The following INF2 variants were observed in gnomAD, a reference collection of about 807,000 sequenced individuals.
The protein encoded by INF2 is inverted formin-2.
INF2 carries 43 observed loss-of-function variants against 123.5 expected under a neutral mutation model. The observed-to-expected ratio is 0.35, with a 90% CI of 0.27 to 0.45. The LOEUF is 0.45. Ranked by LOEUF, INF2 falls within the 20% of genes least tolerant of loss-of-function variation. The pLI, the probability that INF2 is intolerant of heterozygous loss-of-function variation, is 1.00. For missense variants in INF2, 1,453 were observed against 1,682.7 expected, an observed-to-expected ratio of 0.86 and a Z score of 2.39; for synonymous variants, 851 against 745.0, an observed-to-expected ratio of 1.14 and a Z score of -2.32.
At chr14:104,704,817 T>C (rs997664102) in intron 5 of INF2, 2 of 152,254 alleles carry the variant, frequency 1.3e-5, no homozygotes, top group African/African-American at 2.4e-5. Context: ...AAACTAGGGT[T>C]GCCAGGTACT....
chr14:104,707,628 T>A lies in INF2; in HGVS notation c.1361T>A (p.Leu454His). 2 of 727,432 alleles carry A rather than the reference T, an allele frequency of 2.7e-6. No individual in the cohort carries two copies. Among genetic ancestry groups the A allele is most frequent in the Non-Finnish European group, 2.0e-6 (1 of 493,482 alleles). 45.1% of individuals were successfully genotyped at this position (727,432 alleles called of 1,614,324 possible). A position where few individuals can be genotyped will look rare whatever the true frequency, so the allele number is the denominator to read the frequency against. The change falls in exon 8 of 23, where the codon CTC becomes CAC. Residue 454 changes from leucine to histidine, a missense_variant. Leu to His is a moderately conservative substitution (Grantham distance 99). Around this residue, in one of 8 missense-constraint regions of INF2, gnomAD observed 374 missense variants for 303.7 expected, o/e 1.23. Transcript: ENST00000392634. The stretch of plus-strand genomic sequence containing the variant: ...CTGCCCAGTGTGGGGGCTAAGGCCC[T>A]CCCAACAGCACCCCCGCCCCCACCC... The part of the protein sequence containing the change: ...PPLPSVGAKA[L>H]PTAPPPPPLP...
At chr14:104,684,868 A>G (rs72713895), upstream of INF2, 1 of 152,170 alleles carries the variant, frequency 6.6e-6, no homozygotes, top group African/African-American at 2.4e-5. This position sits in a 1 kb window ranked among gnomAD's most constrained non-coding sequence, Gnocchi z 5.0. Flanking sequence ...GCAACCAATC[A>G]GTACACAATA....
upstream of INF2, among the ~76,000 whole-genome samples, chr14:104,686,919 C>T (rs548518721): frequency 6.6e-6 from 1 of 152,358 alleles, no homozygotes; most frequent in South Asian, 2.1e-4. Context: ...GAGGCAGAGG[C>T]AAGCTCTCCA....
In INF2 at chr14:104,718,973, C is replaced by T. The variant is rs1890446838; in HGVS notation, c.*180C>T. The T allele has an allele frequency of 6.5e-6, 9 of 1,384,770 alleles. No homozygotes were observed. Among genetic ancestry groups the T allele is most frequent in the African/African-American group, 5.9e-5 (4 of 68,180 alleles). The allele number at this position is 1,384,770 out of a possible 1,614,324, so 85.8% of individuals were successfully genotyped here. On this transcript the variant is annotated 3_prime_UTR_variant, in exon 23 of 23. Coordinates refer to ENST00000392634, the MANE Select transcript of INF2 (RefSeq NM_022489.4). ...TCTTGGGGTGTTGTGGCTGGGAACC[C>T]GACAGGCACCAGTGCCCTGCCAGGC...
chr14:104,718,447 G>A (rs1890417163), intron 22 of INF2, among the ~76,000 whole-genome samples: 1 of 152,222 alleles, frequency 6.6e-6, no homozygotes, highest in African/African-American at 2.4e-5. Context: ...AGGGCTGCAG[G>A]GGGTGGCAGT....
chr14:104,704,212 G>A lies in INF2; in HGVS notation c.701+263G>A, dbSNP rs572632220. On this transcript the variant is annotated intron_variant, in intron 5 of 22. Coordinates refer to ENST00000392634, the MANE Select transcript of INF2 (RefSeq NM_022489.4). ...AATGAGCTCATATCCTTTGCACACC[G>A]TGGATGGAGCTGGAGGCCGTGATCC... 9.8e-5 allele frequency: 137 copies of A among 1,404,254 alleles called. 1 individual carries two copies. The South Asian group carries it at 1.7e-3, about 17-fold the overall frequency. The allele number at this position is 1,404,254 out of a possible 1,614,324, so 87.0% of individuals were successfully genotyped here.
Position 104,706,140 on chromosome 14 carries a change from C to T in INF2, c.807C>T (p.Ser269=), listed in dbSNP as rs1889769993. The T allele has an allele frequency of 4.4e-6, 7 of 1,604,080 alleles. No homozygotes were observed. Among genetic ancestry groups the T allele is most frequent in the Non-Finnish European group, 6.0e-6 (7 of 1,176,024 alleles). The change falls in exon 6 of 23, where the codon AGC becomes AGT. Residue 269 remains serine (S), a synonymous_variant. Transcript: ENST00000392634. ...LLRVSGGVDM[S]SHQEVFASLF... ...GAGTCTCTGGCGGGGTCGACATGAG[C>T]AGCCACCAGGAGGTCTTTGCCTCCC...
At chr14:104,682,837 A>G (rs1159542323) in intron 1 of INF2, among the ~76,000 whole-genome samples, 2 of 152,142 alleles carry the variant, frequency 1.3e-5, no homozygotes, top group East Asian at 3.9e-4. Flanking sequence ...TCTAGCCTCC[A>G]GGATGGAAGA....
Position 104,721,291 on chromosome 14 carries a change from G to A in INF2, c.*2498G>A, listed in dbSNP as rs1371499776. ...GTCTCGTGTGGATGCTGCTGTGGACGTCTGCGTAGTCTCGTGTGGATGCTG... is the reference window on the plus strand; with the variant it reads ...GTCTCGTGTGGATGCTGCTGTGGACATCTGCGTAGTCTCGTGTGGATGCTG... On this transcript the variant is annotated 3_prime_UTR_variant, in exon 23 of 23. Transcript: ENST00000392634. 1.6e-5 allele frequency: 2 copies of A among 128,766 alleles called. No individual in the cohort carries two copies. Among genetic ancestry groups the A allele is most frequent in the African/African-American group, 6.1e-5 (2 of 33,048 alleles). 8.0% of individuals were successfully genotyped at this position (128,766 alleles called of 1,614,324 possible).
Position 104,707,767 on chromosome 14 carries a change from GCCCCCACCCCCA to G in INF2, c.1505_1516del (p.Pro502_Pro505del). ...CACCACTCCCGGGCTTGGGATGCCC[GCCCCCACCCCCA>G]CCCCTGCTGCCTGGTATGGGCTGGG... On this transcript the variant is annotated inframe_deletion, in exon 8 of 23. Transcript: ENST00000392634. 1 of 615,058 alleles carries G rather than the reference GCCCCCACCCCCA, an allele frequency of 1.6e-6. No individual in the cohort carries two copies. Among genetic ancestry groups the G allele is most frequent in the Non-Finnish European group, 2.5e-6 (1 of 404,904 alleles). 38.1% of individuals were successfully genotyped at this position (615,058 alleles called of 1,614,324 possible). A position where few individuals can be genotyped will look rare whatever the true frequency, so the allele number is the denominator to read the frequency against.
intron 1 of INF2, among the ~76,000 whole-genome samples, chr14:104,697,535 A>G (rs1259211027): frequency 6.6e-6 from 1 of 152,242 alleles, no homozygotes; most frequent in African/African-American, 2.4e-5. Flanking sequence ...GTCCCCACCC[A>G]CACCACACAC....
At chr14:104,709,031 C>T (rs913041764) in intron 10 of INF2, among the ~76,000 whole-genome samples, 4 of 152,138 alleles carry the variant, frequency 2.6e-5, no homozygotes, top group Admixed American at 1.3e-4. Context: ...AGCACTGGCC[C>T]GAGGGAGCTG....
chr14:104,697,887 C>T (rs569092240), intron 1 of INF2, among the ~76,000 whole-genome samples: 1 of 151,812 alleles, frequency 6.6e-6, no homozygotes, highest in South Asian at 2.1e-4. Context: ...GGTGGACTGC[C>T]GGGGGGGGTG....
intron 1 of INF2, among the ~76,000 whole-genome samples, chr14:104,691,752 A>G (rs1365423879): frequency 1.3e-5 from 2 of 152,004 alleles, no homozygotes; most frequent in Non-Finnish European, 2.9e-5. Flanking sequence ...CCGTCGCTGG[A>G]GGGGTGAGCA....
rs1250341042 is a variant in INF2 at position 104,707,656 on chromosome 14, G to A, written c.1389G>A (p.Leu463=). 11 of 816,696 alleles carry A rather than the reference G, an allele frequency of 1.3e-5. No homozygotes were observed. The highest frequency in any genetic ancestry group is 1.8e-5 in the Non-Finnish European group (10 of 564,124). The allele number at this position is 816,696 out of a possible 1,614,324, so 50.6% of individuals were successfully genotyped here. Residue 463 remains leucine, a synonymous_variant, in exon 8 of 23, where the codon CTG becomes CTA. Transcript: ENST00000392634. ...CAACAGCACCCCCGCCCCCACCCCT[G>A]CCAGGCCTGGGGGCCATGGCCCCCC... ...ALPTAPPPPP[L]PGLGAMAPPA...
chr14:104,716,428 G>A lies in INF2; in HGVS notation c.*1+1088G>A, dbSNP rs146930191. Reference sequence around the variant, plus strand: ...GTGAAGCACCCACGTGTACTTTTTAGAAAGGTGCTGGCATCTCCCTTAGAG... The same window carrying A: ...GTGAAGCACCCACGTGTACTTTTTAAAAAGGTGCTGGCATCTCCCTTAGAG... On this transcript the variant is annotated intron_variant, in intron 22 of 22. Transcript: ENST00000392634. Among the ~76,000 whole-genome samples the A allele has an allele frequency of 2.9e-3, 446 of 152,332 alleles. 1 individual carries two copies. The highest frequency in any genetic ancestry group is 0.01 in the African/African-American group (421 of 41,562).
intron 22 of INF2, among the ~76,000 whole-genome samples, chr14:104,717,299 C>CG (rs934152632): frequency 7.6e-5 from 11 of 144,520 alleles, no homozygotes; most frequent in East Asian, 2.0e-4. Context: ...TCCCAGTCCC[C>CG]CCCCCGGGCA....
rs1888840433 is a variant in INF2 at position 104,689,651 on chromosome 14, G to C, written c.-98G>C. The C allele has an allele frequency of 1.0e-6, 1 of 977,352 alleles. No individual in the cohort carries two copies. Among genetic ancestry groups the C allele is most frequent in the African/African-American group, 1.8e-5 (1 of 56,892 alleles). 60.5% of individuals were successfully genotyped at this position (977,352 alleles called of 1,614,324 possible). A position where few individuals can be genotyped will look rare whatever the true frequency, so the allele number is the denominator to read the frequency against. ...CCACCGTCCGAGCCTTGCGGAGCGC[G>C]GCAGTGGGCGCCGGCTGCCCGCAGC... On this transcript the variant is annotated 5_prime_UTR_variant, in exon 1 of 23. Transcript: ENST00000392634.
chr14:104,710,026 G>C, intron 12 of INF2, 62 bp from the exon 13 acceptor site: 3 of 1,348,912 alleles, frequency 2.2e-6, no homozygotes, highest in Non-Finnish European at 3.1e-6. Context: ...TGTGCTGAGT[G>C]CCCCTCTGGC....
Sources: gnomAD v4.1 joint callset for allele counts (sites outside exome capture counted in the v4.1 genomes callset) on GRCh38, gnomAD v4.1.1 for gene constraint, gnomAD v4.1.1 regional missense constraint, Gnocchi (gnomAD v3.1) non-coding constraint, MANE v1.5 for transcripts, NCBI Gene and HGNC (gene_info 2026-07-23, HGNC 2026-07-21) for gene names.